Variants in GRIK4 observed in about 807,000 individuals in gnomAD.
GRIK4 encodes the protein glutamate receptor ionotropic, kainate 4.
GRIK4 carries 40 observed loss-of-function variants against 104.9 expected under a neutral mutation model. That is an observed-to-expected ratio of 0.38 (90% CI 0.30 to 0.50). The LOEUF is 0.50. Among genes scored for constraint, GRIK4 ranks in the 20% least tolerant of loss-of-function variants. GRIK4 has a pLI of 0.93. For synonymous variants in GRIK4, 485 were observed against 524.9 expected (o/e 0.92, Z 1.04); for missense variants, 1,047 against 1,308.1 (o/e 0.80, Z 3.08).
intron 14 of GRIK4, among the ~76,000 whole-genome samples, chr11:120,948,910 A>C (rs552943312): frequency 5.9e-5 from 9 of 152,278 alleles, no homozygotes; most frequent in African/African-American, 1.7e-4. Context: ...ACAGGAGGAA[A>C]CAGAGACCTA....
intron 8 of GRIK4, among the ~76,000 whole-genome samples, chr11:120,859,911 C>T (rs778928242): frequency 2.0e-5 from 3 of 152,202 alleles, no homozygotes; most frequent in Admixed American, 6.5e-5. Context: ...CCAGTTTGCA[C>T]GTGTAAGCTA....
Position 120,988,366 on chromosome 11 carries a change from T to C in GRIK4, c.*2106T>C, listed in dbSNP as rs764918351. 1 of 152,214 alleles carries C rather than the reference T, an allele frequency of 6.6e-6. No homozygotes were observed. Among genetic ancestry groups the C allele is most frequent in the Non-Finnish European group, 1.5e-5 (1 of 68,038 alleles). 9.4% of individuals were successfully genotyped at this position (152,214 alleles called of 1,614,324 possible). ...TCCAACCTGCAGCTCCATCCTATGC[T>C]TCTCACAGACAACGTGGTTCCTACT... On this transcript the variant is annotated 3_prime_UTR_variant, in exon 21 of 21. Transcript: ENST00000527524.
chr11:120,836,606 C>T (rs574713423), intron 7 of GRIK4, among the ~76,000 whole-genome samples, 185 bp from the exon 8 acceptor site: 65 of 152,114 alleles, frequency 4.3e-4, no homozygotes, highest in Non-Finnish European at 9.0e-4. Context: ...GCTCTTGAGA[C>T]CAGAATTTCT....
intron 3 of GRIK4, among the ~76,000 whole-genome samples, chr11:120,699,003 A>C (rs1221367454): frequency 6.6e-6 from 1 of 152,176 alleles, no homozygotes; most frequent in Non-Finnish European, 1.5e-5. Flanking sequence ...AATGGGGATA[A>C]ATTCTATCTG....
intron 1 of GRIK4, among the ~76,000 whole-genome samples, chr11:120,565,289 G>A (rs1017556884): frequency 1.3e-5 from 2 of 152,240 alleles, no homozygotes; most frequent in African/African-American, 4.8e-5. Context: ...AGGACTCTAA[G>A]AACCAGAGCT....
chr11:120,515,601 G>T (rs4938811), intron 1 of GRIK4, among the ~76,000 whole-genome samples: 14 of 152,110 alleles, frequency 9.2e-5, no homozygotes, highest in African/African-American at 1.9e-4. Context: ...CCCACCCAGA[G>T]GGCAGATTCC....
At chr11:120,600,138 A>G (rs551882658) in intron 1 of GRIK4, among the ~76,000 whole-genome samples, 6 of 152,148 alleles carry the variant, frequency 3.9e-5, no homozygotes, top group Admixed American at 1.3e-4. Context: ...GTTTGGGGAA[A>G]GGGAAAGGTG....
At position 120,958,214 on chromosome 11, in the gene GRIK4, C is replaced by G. The variant is rs193161040; in HGVS notation, c.1874+1261C>G. 5.3e-5 allele frequency among the ~76,000 whole-genome samples: 8 copies of G among 152,370 alleles called. No homozygotes were observed. In the East Asian group the frequency reaches 1.5e-3, roughly 29 times the overall value. ...CTAGAACCCCATTGCCCACTTTATCCGCTTGTCAGCTCTACCCTTACCCCA... is the reference window on the plus strand; with the variant it reads ...CTAGAACCCCATTGCCCACTTTATCGGCTTGTCAGCTCTACCCTTACCCCA... On this transcript the variant is annotated intron_variant, in intron 16 of 20. Coordinates refer to ENST00000527524, the MANE Select transcript of GRIK4 (RefSeq NM_014619.5).
chr11:120,585,356 C>CT (rs1253218420), intron 1 of GRIK4, among the ~76,000 whole-genome samples: 25 of 121,156 alleles, frequency 2.1e-4, no homozygotes, highest in Middle Eastern at 4.3e-3. Flanking sequence ...TTTTTTTTTT[C>CT]TTTTTTTTTG....
intron 3 of GRIK4, among the ~76,000 whole-genome samples, chr11:120,771,476 G>A (rs1247021665): frequency 6.6e-6 from 1 of 152,254 alleles, no homozygotes; most frequent in African/African-American, 2.4e-5. Context: ...CTTGGCTTAT[G>A]AGTGCTTATA....
At chr11:120,754,617 A>G (rs114231926) in intron 3 of GRIK4, among the ~76,000 whole-genome samples, 1,870 of 152,290 alleles carry the variant, frequency 0.012, 32 homozygotes, top group African/African-American at 0.042. Context: ...TAGGAGTAGA[A>G]TTGCTAATCA....
intron 1 of GRIK4, among the ~76,000 whole-genome samples, chr11:120,614,157 G>A (rs112875143): frequency 2.0e-5 from 3 of 152,310 alleles, no homozygotes; most frequent in African/African-American, 4.8e-5. Context: ...CCATGTAGGC[G>A]TGGCTCCCCC....
chr11:120,843,644 G>GACCCT (rs2135586227), intron 8 of GRIK4, among the ~76,000 whole-genome samples: 1 of 152,328 alleles, frequency 6.6e-6, no homozygotes, highest in African/African-American at 2.4e-5. Flanking sequence ...AGCAAGTTGA[G>GACCCT]ACCCTCTTCA....
chr11:120,835,852 C>T (rs554883143), intron 7 of GRIK4, among the ~76,000 whole-genome samples: 4 of 152,184 alleles, frequency 2.6e-5, no homozygotes, highest in South Asian at 2.1e-4. Flanking sequence ...GTATTTATGA[C>T]GGGTACAAAG....
rs76956606 is a variant in GRIK4 at position 120,632,770 on chromosome 11, C to G, written c.-158-20915C>G. 1.8e-3 allele frequency among the ~76,000 whole-genome samples: 270 copies of G among 152,210 alleles called. 4 individuals are homozygous for G. The East Asian group carries it at 0.037, about 21-fold the overall frequency. ...CCCCTTGCACTACCACCAGCATCCC[C>G]CAGAGGCTTCTGTGTGCTCAGAGTT... On this transcript the variant is annotated intron_variant, in intron 1 of 20. Transcript: ENST00000527524.
chr11:120,565,582 A>G (rs1038898956), intron 1 of GRIK4, among the ~76,000 whole-genome samples: 4 of 152,218 alleles, frequency 2.6e-5, no homozygotes, highest in Non-Finnish European at 4.4e-5. Context: ...AGCGTTTTAC[A>G]GATCCAATAT....
At chr11:120,876,503 G>A (rs1396545756) in intron 11 of GRIK4, among the ~76,000 whole-genome samples, 2 of 148,066 alleles carry the variant, frequency 1.4e-5, no homozygotes, top group African/African-American at 5.0e-5. Context: ...CTACCACTGC[G>A]ATTGTCATCA....
At chr11:120,790,769 C>T (rs995287199) in intron 3 of GRIK4, among the ~76,000 whole-genome samples, 1 of 151,990 alleles carries the variant, frequency 6.6e-6, no homozygotes, top group African/African-American at 2.4e-5. Flanking sequence ...GCAGTGGGAA[C>T]AGAAGGGGGG....
At chr11:120,544,859 T>C (rs1356862203) in intron 1 of GRIK4, among the ~76,000 whole-genome samples, 1 of 152,134 alleles carries the variant, frequency 6.6e-6, no homozygotes, top group Non-Finnish European at 1.5e-5. Flanking sequence ...TATTTGTCCT[T>C]TTCCACTAAG....
Sources: gnomAD v4.1 joint callset for allele counts (sites outside exome capture counted in the v4.1 genomes callset) on GRCh38, gnomAD v4.1.1 for gene constraint, MANE v1.5 for transcripts, NCBI Gene and HGNC (gene_info 2026-07-23, HGNC 2026-07-21) for gene names.